Variants in PHACTR1 observed in about 807,000 individuals in gnomAD.
PHACTR1 encodes the protein phosphatase and actin regulator 1.
Under a neutral mutation model 69.2 loss-of-function variants are expected in PHACTR1, and 16 were observed. The ratio of observed to expected loss-of-function variants is 0.23; its 90% CI spans 0.16 to 0.35. The LOEUF (loss-of-function observed/expected upper bound fraction) is 0.35. PHACTR1 is among the 10% of genes least tolerant of loss of function. PHACTR1 has a pLI of 1.00. For missense variants in PHACTR1, 510 were observed against 734.7 expected, an observed-to-expected ratio of 0.69 and a Z score of 3.54; for synonymous variants, 312 against 284.5, an observed-to-expected ratio of 1.10 and a Z score of -0.97.
chr6:12,934,013 G>C (rs553153661), intron 4 of PHACTR1: 1 of 1,476,146 alleles, frequency 6.8e-7, no homozygotes, highest in South Asian at 1.4e-5. Flanking sequence ...ATATCAATTT[G>C]CTCTCTGATG....
intron 5 of PHACTR1, among the ~76,000 whole-genome samples, chr6:13,146,097 G>C (rs1166746261): frequency 6.6e-6 from 1 of 152,226 alleles, no homozygotes; most frequent in African/African-American, 2.4e-5. Flanking sequence ...TTGGGTTCAA[G>C]TGCAGCTCTG....
At chr6:12,935,169 C>T (rs957775749) in intron 4 of PHACTR1, among the ~76,000 whole-genome samples, 3 of 152,170 alleles carry the variant, frequency 2.0e-5, no homozygotes, top group Non-Finnish European at 4.4e-5. Context: ...AATGTGTGAA[C>T]CAAACACCTC....
chr6:13,152,751 A>G (rs770081564), intron 5 of PHACTR1, among the ~76,000 whole-genome samples: 20 of 152,220 alleles, frequency 1.3e-4, no homozygotes, highest in Non-Finnish European at 2.8e-4. Context: ...AGATAAGAAG[A>G]CAACTGCCAT....
At chr6:12,771,423 G>T (rs1032113724) in intron 4 of PHACTR1, among the ~76,000 whole-genome samples, 1 of 152,128 alleles carries the variant, frequency 6.6e-6, no homozygotes, top group Admixed American at 6.6e-5. Context: ...GGGAGTCTTG[G>T]GGTGACATCG....
At chr6:12,828,455 T>C (rs1168802624) in intron 4 of PHACTR1, among the ~76,000 whole-genome samples, 1 of 152,148 alleles carries the variant, frequency 6.6e-6, no homozygotes, top group African/African-American at 2.4e-5. Context: ...CAGAAGTAGA[T>C]ATCAAGTATA....
chr6:12,736,631 G>C (rs1016277587), intron 3 of PHACTR1, among the ~76,000 whole-genome samples: 11 of 152,000 alleles, frequency 7.2e-5, no homozygotes, highest in Non-Finnish European at 1.5e-4. Flanking sequence ...AGTAAGGATG[G>C]GGCATCATCT....
intron 4 of PHACTR1, among the ~76,000 whole-genome samples, chr6:12,839,240 C>T (rs1195590005): frequency 1.3e-5 from 2 of 152,150 alleles, no homozygotes; most frequent in Non-Finnish European, 2.9e-5. Context: ...TCTAAATACT[C>T]TTTTCAAAAT....
intron 4 of PHACTR1, among the ~76,000 whole-genome samples, chr6:12,806,299 C>T (rs1050484329): frequency 5.3e-5 from 8 of 152,202 alleles, no homozygotes; most frequent in African/African-American, 9.7e-5. Context: ...TGTCATCACA[C>T]GGACTTTCAA....
chr6:12,851,565 G>A (rs1164337728), intron 4 of PHACTR1, among the ~76,000 whole-genome samples: 1 of 152,156 alleles, frequency 6.6e-6, no homozygotes, highest in African/African-American at 2.4e-5. Context: ...ATCATGCACA[G>A]CAATAGGAAA....
At chr6:12,955,182 T>G (rs1418516634) in intron 4 of PHACTR1, among the ~76,000 whole-genome samples, 1 of 147,460 alleles carries the variant, frequency 6.8e-6, no homozygotes, top group Non-Finnish European at 1.5e-5. Flanking sequence ...TGGCTCACAT[T>G]GTATTTCCTC....
At chr6:12,814,416 G>T (rs551908807) in intron 4 of PHACTR1, among the ~76,000 whole-genome samples, 1 of 152,190 alleles carries the variant, frequency 6.6e-6, no homozygotes, top group African/African-American at 2.4e-5. Context: ...CAGAATAGAC[G>T]CTCCAAAAAT....
At chr6:13,215,081 T>C (rs1339307023) in intron 8 of PHACTR1, among the ~76,000 whole-genome samples, 1 of 152,228 alleles carries the variant, frequency 6.6e-6, no homozygotes, top group Non-Finnish European at 1.5e-5. Context: ...TACTGACTTG[T>C]AAACCTTGAA....
chr6:13,153,312 C>A (rs1397002249), intron 5 of PHACTR1, among the ~76,000 whole-genome samples: 2 of 152,164 alleles, frequency 1.3e-5, no homozygotes, highest in Non-Finnish European at 2.9e-5. Context: ...TTTAGAGAGC[C>A]TTCCTTGGAC....
At chr6:12,907,113 A>G (rs1785819957) in intron 4 of PHACTR1, among the ~76,000 whole-genome samples, 1 of 152,172 alleles carries the variant, frequency 6.6e-6, no homozygotes, top group Non-Finnish European at 1.5e-5. Context: ...TATAGTTGGC[A>G]TTTCCTCTTT....
chr6:12,997,722 A>G (rs1371139612), intron 4 of PHACTR1, among the ~76,000 whole-genome samples: 3 of 152,132 alleles, frequency 2.0e-5, no homozygotes, highest in Non-Finnish European at 4.4e-5. Context: ...TGAGAGGCCG[A>G]GGTGGGCGGA....
At position 13,032,980 on chromosome 6, in the gene PHACTR1, T is replaced by C. The variant is rs138769819; in HGVS notation, c.251-20385T>C. 4.2e-3 allele frequency among the ~76,000 whole-genome samples: 644 copies of C among 152,274 alleles called. 2 individuals are homozygous for C. Among genetic ancestry groups the C allele is most frequent in the African/African-American group, 0.014 (598 of 41,548 alleles). ...ATTTCCCGTTAGAGGAAGTCTCGAT[T>C]TTGTAAAATTAAAAAAAGTTCTGCC... On this transcript the variant is annotated intron_variant, in intron 4 of 14. Coordinates refer to ENST00000332995, the MANE Select transcript of PHACTR1 (RefSeq NM_030948.6).
At chr6:13,124,364 A>G (rs1293773992) in intron 5 of PHACTR1, among the ~76,000 whole-genome samples, 2 of 126,932 alleles carry the variant, frequency 1.6e-5, no homozygotes, top group African/African-American at 5.3e-5. Context: ...AAATGAGTCA[A>G]TAAAATAACT....
intron 5 of PHACTR1, among the ~76,000 whole-genome samples, chr6:13,118,899 G>A (rs988961507): frequency 2.6e-5 from 4 of 152,040 alleles, no homozygotes; most frequent in African/African-American, 4.8e-5. Flanking sequence ...TGATTCTTGC[G>A]GTGCTCTGAG....
chr6:13,072,479 A>ACTTGCTT (rs10667647), intron 5 of PHACTR1, among the ~76,000 whole-genome samples: 70,666 of 151,250 alleles, frequency 0.47, 18,705 homozygotes, highest in East Asian at 0.83. Context: ...ATTTATACAT[A>ACTTGCTT]CTTGCTTTCA....
Sources: allele counts gnomAD v4.1 joint callset (sites outside exome capture counted in the v4.1 genomes callset), GRCh38; gene constraint gnomAD v4.1.1; transcripts MANE v1.5; gene names NCBI Gene and HGNC (gene_info 2026-07-23, HGNC 2026-07-21).